ITGA9: variants seen among roughly 807,000 people sequenced by gnomAD.
The protein encoded by ITGA9 is integrin subunit alpha 9.
ITGA9 carries 56 observed loss-of-function variants against 127.8 expected under a neutral mutation model. The ratio of observed to expected loss-of-function variants is 0.44; its 90% CI spans 0.35 to 0.55. The LOEUF (loss-of-function observed/expected upper bound fraction) is 0.55, where lower values mean the gene tolerates loss of function less well. Ranked by LOEUF, ITGA9 falls within the 20% of genes least tolerant of loss-of-function variation. ITGA9 has a pLI of 0.00. For missense variants in ITGA9, 1,196 were observed against 1,347.1 expected, an observed-to-expected ratio of 0.89 and a Z score of 1.76; for synonymous variants, 508 against 514.5, an observed-to-expected ratio of 0.99 and a Z score of 0.17.
chr3:37,696,877 A>C (rs1220782197), intron 18 of ITGA9, among the ~76,000 whole-genome samples: 1 of 152,170 alleles, frequency 6.6e-6, no homozygotes, highest in African/African-American at 2.4e-5. Flanking sequence ...TGGTGACGTC[A>C]CCTGGGAGTG....
chr3:37,542,371 C>G (rs1281699531), intron 14 of ITGA9, 54 bp from the exon 15 acceptor site: 2 of 1,596,572 alleles, frequency 1.3e-6, no homozygotes, highest in African/African-American at 2.7e-5. Flanking sequence ...AAGAGGTGGC[C>G]TCATCACAGT....
At chr3:37,687,416 A>G (rs9814311) in intron 18 of ITGA9, among the ~76,000 whole-genome samples, 11,863 of 152,244 alleles carry the variant, frequency 0.078, 1,420 homozygotes, top group African/African-American at 0.26. Context: ...TGTGGAAGGT[A>G]GAAACTGGAA....
intron 17 of ITGA9, among the ~76,000 whole-genome samples, chr3:37,682,687 AC>A (rs1700745293): frequency 6.6e-6 from 1 of 152,038 alleles, no homozygotes. Context: ...AACCTTCTCA[AC>A]CCAGTCTTTC....
chr3:37,513,056 T>C (rs1461470418), intron 8 of ITGA9, among the ~76,000 whole-genome samples: 1 of 152,234 alleles, frequency 6.6e-6, no homozygotes, highest in South Asian at 2.1e-4. Flanking sequence ...CACCTGTGCA[T>C]AGGACCAGGA....
chr3:37,495,797 G>GT (rs1458509738), intron 5 of ITGA9, among the ~76,000 whole-genome samples: 48 of 152,224 alleles, frequency 3.2e-4, no homozygotes, highest in Admixed American at 1.3e-4. Context: ...CATGGGCTAG[G>GT]TTAGAACACT....
intron 15 of ITGA9, among the ~76,000 whole-genome samples, chr3:37,573,758 G>A (rs933869229): frequency 1.3e-5 from 2 of 152,202 alleles, no homozygotes; most frequent in Non-Finnish European, 2.9e-5. Context: ...TATGAGCCAT[G>A]TGTGCCAGGT....
intron 15 of ITGA9, among the ~76,000 whole-genome samples, chr3:37,598,390 G>A (rs1699887887): frequency 1.3e-5 from 2 of 152,130 alleles, no homozygotes. Flanking sequence ...AGCTCTAATT[G>A]TATTTTGCTG....
chr3:37,567,630 G>C (rs1169992518), intron 15 of ITGA9, among the ~76,000 whole-genome samples: 5 of 152,120 alleles, frequency 3.3e-5, no homozygotes, highest in Admixed American at 3.3e-4. Flanking sequence ...TGGGGGTATA[G>C]GCATAAGGTA....
intron 3 of ITGA9, among the ~76,000 whole-genome samples, chr3:37,480,887 G>T (rs981559588): frequency 2.6e-5 from 4 of 152,118 alleles, no homozygotes; most frequent in African/African-American, 9.7e-5. Flanking sequence ...GCAGCCAAAT[G>T]GTCTTTCCAA....
At chr3:37,482,523 A>G (rs990304495) in intron 4 of ITGA9, among the ~76,000 whole-genome samples, 12 of 152,158 alleles carry the variant, frequency 7.9e-5, no homozygotes, top group Non-Finnish European at 1.6e-4. Context: ...GTGCTGGACT[A>G]TTTATTTCTT....
rs559720665 is a variant in ITGA9 at position 37,665,269 on chromosome 3, C to G, written c.1916+11479C>G. On this transcript the variant is annotated intron_variant, in intron 17 of 27. Transcript: ENST00000264741. The stretch of plus-strand genomic sequence containing the variant: ...GGATTACAGGTGTGAGCCACTGTGC[C>G]TGGCCTAGCTGGCTTTAATGGTTGC... 3.3e-5 allele frequency among the ~76,000 whole-genome samples: 5 copies of G among 152,122 alleles called. No homozygotes were observed. In the South Asian group the frequency reaches 8.3e-4, roughly 25 times the overall value.
chr3:37,485,946 C>T (rs1559518065), intron 4 of ITGA9, among the ~76,000 whole-genome samples: 2 of 152,270 alleles, frequency 1.3e-5, no homozygotes, highest in African/African-American at 2.4e-5. Context: ...TGTGAGAAAA[C>T]GAGAGCTTTG....
intron 15 of ITGA9, among the ~76,000 whole-genome samples, chr3:37,575,997 A>G (rs1008619034): frequency 1.3e-5 from 2 of 152,252 alleles, no homozygotes; most frequent in African/African-American, 2.4e-5. Context: ...TTTGGAACTG[A>G]TGATTCTCAG....
In ITGA9 at chr3:37,771,096, T is replaced by G. The variant is rs569990670; in HGVS notation, c.2542-6296T>G. On this transcript the variant is annotated intron_variant, in intron 23 of 27. Transcript: ENST00000264741. ...GCCAGCTCCCAGAGGCCCTGAGAGA[T>G]AAGCAGCCATGTCATGAGAAGCATT... 3.3e-5 allele frequency among the ~76,000 whole-genome samples: 5 copies of G among 152,238 alleles called. No individual in the cohort carries two copies. In the East Asian group the frequency reaches 9.7e-4, roughly 29 times the overall value.
At chr3:37,724,564 C>T (rs189158923) in intron 18 of ITGA9, among the ~76,000 whole-genome samples, 198 of 152,234 alleles carry the variant, frequency 1.3e-3, no homozygotes, top group Non-Finnish European at 2.4e-3. Context: ...GGTGCAAACT[C>T]GGCTTACTGC....
chr3:37,794,432 G>T (rs1450479728), intron 26 of ITGA9, among the ~76,000 whole-genome samples: 1 of 152,192 alleles, frequency 6.6e-6, no homozygotes, highest in African/African-American at 2.4e-5. Context: ...AGTGACCCTT[G>T]GCTCTAATGG....
intron 16 of ITGA9, among the ~76,000 whole-genome samples, chr3:37,640,833 C>G (rs1173057492): frequency 6.6e-6 from 1 of 152,184 alleles, no homozygotes; most frequent in Non-Finnish European, 1.5e-5. Flanking sequence ...ACTGGGGGTG[C>G]CATCGGCTGC....
At chr3:37,757,695 GATAAAATCTGA>G (rs1384495165) in intron 23 of ITGA9, among the ~76,000 whole-genome samples, 11 of 150,788 alleles carry the variant, frequency 7.3e-5, no homozygotes, top group Non-Finnish European at 1.6e-4. Context: ...TTCACACAAA[GATAAAATCTGA>G]ATAAAATATG....
chr3:37,814,234 T>C lies in ITGA9; in HGVS notation c.3010-4657T>C, dbSNP rs1021848569. 6.6e-6 allele frequency among the ~76,000 whole-genome samples: 1 copy of C among 152,118 alleles called. No individual in the cohort carries two copies. Among genetic ancestry groups the C allele is most frequent in the Non-Finnish European group, 1.5e-5 (1 of 68,024 alleles). ...AGGTCTGAGAATCCCATTGATCTCT[T>C]AGGCAGAGACGAAGACACTATGGCT... On this transcript the variant is annotated intron_variant, in intron 27 of 27. Coordinates refer to ENST00000264741, the MANE Select transcript of ITGA9 (RefSeq NM_002207.3). This position sits in a 1 kb window ranked among gnomAD's most constrained non-coding sequence, Gnocchi z 4.3.
Sources: gnomAD v4.1 joint callset for allele counts (sites outside exome capture counted in the v4.1 genomes callset) on GRCh38, gnomAD v4.1.1 for gene constraint, Gnocchi (gnomAD v3.1) non-coding constraint, MANE v1.5 for transcripts, NCBI Gene and HGNC (gene_info 2026-07-23, HGNC 2026-07-21) for gene names.